Variants in KCNT2 observed in about 807,000 individuals in gnomAD.
KCNT2 encodes potassium sodium-activated channel subfamily T member 2, also known as potassium channel subfamily T member 2.
In KCNT2, 67 loss-of-function variants were observed where a neutral mutation model predicts 153.8. The ratio of observed to expected loss-of-function variants is 0.44; its 90% CI spans 0.36 to 0.53. The LOEUF (loss-of-function observed/expected upper bound fraction) is 0.53. Among genes scored for constraint, KCNT2 ranks in the 20% least tolerant of loss-of-function variants. KCNT2 has a pLI of 0.00. For missense variants in KCNT2, 975 were observed against 1,354.8 expected (o/e 0.72, Z 4.40); for synonymous variants, 500 against 458.8 (o/e 1.09, Z -1.15).
At chr1:196,523,129 C>T (rs1653697205) in intron 1 of KCNT2, among the ~76,000 whole-genome samples, 1 of 152,180 alleles carries the variant, frequency 6.6e-6, no homozygotes, top group Non-Finnish European at 1.5e-5. Flanking sequence ...GACCACGAAA[C>T]CACCAGGAGG....
In KCNT2 at chr1:196,375,265, C is replaced by T. The variant is rs116589032; in HGVS notation, c.1295-2017G>A. 6.0e-3 allele frequency among the ~76,000 whole-genome samples: 917 copies of T among 151,814 alleles called. 6 individuals are homozygous for T. Among genetic ancestry groups the T allele is most frequent in the African/African-American group, 0.021 (861 of 41,486 alleles). On this transcript the variant is annotated intron_variant, in intron 13 of 27. Transcript: ENST00000294725. ...ATTTCGATAGTCATTTTTGTATTTG[C>T]ATGTGTCTTTTTTCTACATTTGGTA...
Position 196,608,242 on chromosome 1 carries a change from C to G in KCNT2, c.68G>C (p.Gly23Ala). Residue 23 changes from glycine to alanine, a missense_variant, in exon 1 of 28, where the codon GGG (glycine) becomes GCG (alanine). Physicochemically the swap from Gly to Ala is moderately conservative, Grantham distance 60 (BLOSUM62 0). Around this residue, in one of 6 missense-constraint regions of KCNT2, gnomAD observed 140 missense variants for 216.0 expected, o/e 0.65. Transcript: ENST00000294725. The stretch of plus-strand genomic sequence containing the variant: ...GTCGTCGTTTTGCCATCCTTGGTCC[C>G]CTAGCAGCAAATCTCGAAACCTGTA... ...PRYRFRDLLL[G>A]DQGWQNDDRV... 6.2e-7 allele frequency: 1 copy of G among 1,614,084 alleles called. No homozygotes were observed. Among genetic ancestry groups the G allele is most frequent in the Non-Finnish European group, 8.5e-7 (1 of 1,180,016 alleles).
intron 18 of KCNT2, 36 bp from the exon 19 acceptor site, chr1:196,326,925 G>C: frequency 3.3e-6 from 4 of 1,195,050 alleles, no homozygotes; most frequent in Non-Finnish European, 4.7e-6. Context: ...AATGCCATTT[G>C]GATACTTCAT....
intron 17 of KCNT2, among the ~76,000 whole-genome samples, chr1:196,332,877 T>C (rs971393887): frequency 6.6e-6 from 1 of 151,210 alleles, no homozygotes; most frequent in Non-Finnish European, 1.5e-5. Flanking sequence ...CTCCACCTCC[T>C]GCGTTCAAGT....
chr1:196,511,455 A>T (rs1044197191), intron 1 of KCNT2, among the ~76,000 whole-genome samples: 3 of 152,190 alleles, frequency 2.0e-5, no homozygotes, highest in African/African-American at 4.8e-5. Flanking sequence ...GCAGAAATAG[A>T]TGTTACAGGC....
chr1:196,606,532 T>A (rs930060376), intron 1 of KCNT2, among the ~76,000 whole-genome samples: 2 of 152,220 alleles, frequency 1.3e-5, no homozygotes, highest in Non-Finnish European at 2.9e-5. Flanking sequence ...AAAACTTTTT[T>A]AATATGGCAC....
At chr1:196,565,183 T>C (rs139315184) in intron 1 of KCNT2, among the ~76,000 whole-genome samples, 4 of 146,784 alleles carry the variant, frequency 2.7e-5, no homozygotes, top group Non-Finnish European at 4.5e-5. Flanking sequence ...CCAATAGATA[T>C]ATGAAAAAAT....
intron 5 of KCNT2, among the ~76,000 whole-genome samples, chr1:196,471,387 G>C (rs1490338043): frequency 6.6e-6 from 1 of 152,152 alleles, no homozygotes; most frequent in African/African-American, 2.4e-5. Context: ...TTTAACAAAA[G>C]AGTTATAACT....
intron 26 of KCNT2, among the ~76,000 whole-genome samples, chr1:196,248,387 TG>T (rs1655643882): frequency 6.6e-6 from 1 of 151,388 alleles, no homozygotes; most frequent in Non-Finnish European, 1.5e-5. Context: ...TAAACAAAAT[TG>T]ACAAACTTTT....
chr1:196,376,703 A>T (rs1668999271), intron 13 of KCNT2, among the ~76,000 whole-genome samples: 1 of 151,984 alleles, frequency 6.6e-6, no homozygotes, highest in African/African-American at 2.4e-5. Context: ...AAATAAAACC[A>T]TCCCTATAAA....
chr1:196,408,059 C>A (rs1187008533), intron 12 of KCNT2, among the ~76,000 whole-genome samples: 1 of 151,348 alleles, frequency 6.6e-6, no homozygotes, highest in Non-Finnish European at 1.5e-5. Flanking sequence ...CTTCTCTGTG[C>A]CACTTGCCAA....
chr1:196,507,354 C>T lies in KCNT2; in HGVS notation c.96-15013G>A, dbSNP rs368790900. Among the ~76,000 whole-genome samples the T allele has an allele frequency of 6.6e-5, 10 of 152,194 alleles. No homozygotes were observed. The East Asian group carries it at 1.2e-3, about 18-fold the overall frequency. ...GGTGCTCTTTCAATGCAGTGCTGGA[C>T]GTGGCTTTCTATTTTCTGTGGTATT... On this transcript the variant is annotated intron_variant, in intron 1 of 27. Coordinates refer to ENST00000294725, the MANE Select transcript of KCNT2 (RefSeq NM_198503.5).
chr1:196,233,415 A>C (rs1300383611), intron 27 of KCNT2, among the ~76,000 whole-genome samples: 3 of 151,390 alleles, frequency 2.0e-5, no homozygotes, highest in Non-Finnish European at 4.4e-5. Flanking sequence ...TAAGTTTTTG[A>C]AATGCTTCCT....
intron 1 of KCNT2, among the ~76,000 whole-genome samples, chr1:196,554,598 T>C (rs532220742): frequency 1.3e-5 from 2 of 151,190 alleles, no homozygotes; most frequent in East Asian, 3.9e-4. Flanking sequence ...CAAACTGCCC[T>C]GAAAAGTAGA....
At chr1:196,341,383 C>A (rs1665608726) in intron 15 of KCNT2, among the ~76,000 whole-genome samples, 1 of 151,916 alleles carries the variant, frequency 6.6e-6, no homozygotes, top group African/African-American at 2.4e-5. Context: ...ATGGTTTCTA[C>A]TGAATGGCTA....
Position 196,378,730 on chromosome 1 carries a change from A to G in KCNT2, c.1295-5482T>C, listed in dbSNP as rs149731351. On this transcript the variant is annotated intron_variant, in intron 13 of 27. Coordinates refer to ENST00000294725, the MANE Select transcript of KCNT2 (RefSeq NM_198503.5). ...TATATATGAAACAGCAATATAATAT[A>G]TAATAATTTAATATATAATACAATA... Among the ~76,000 whole-genome samples, 173 of 148,130 alleles carry G rather than the reference A, an allele frequency of 1.2e-3. 2 individuals are homozygous for G. In the East Asian group the frequency reaches 0.033, roughly 29 times the overall value.
chr1:196,409,530 A>G (rs1485223227), intron 12 of KCNT2, among the ~76,000 whole-genome samples: 1 of 151,602 alleles, frequency 6.6e-6, no homozygotes, highest in African/African-American at 2.4e-5. Context: ...TTAAAATTTC[A>G]AATTATATAT....
chr1:196,292,066 C>CT, intron 22 of KCNT2, among the ~76,000 whole-genome samples: 1 of 152,094 alleles, frequency 6.6e-6, no homozygotes. Context: ...TATTCCATGG[C>CT]TTAGGAGACA....
At chr1:196,596,599 C>T (rs1174715520) in intron 1 of KCNT2, among the ~76,000 whole-genome samples, 1 of 151,986 alleles carries the variant, frequency 6.6e-6, no homozygotes, top group African/African-American at 2.4e-5. Context: ...AAATAATTTC[C>T]CTCCATGATT....
Sources: gnomAD v4.1 joint callset for allele counts (sites outside exome capture counted in the v4.1 genomes callset) on GRCh38, gnomAD v4.1.1 for gene constraint, gnomAD v4.1.1 regional missense constraint, MANE v1.5 for transcripts, NCBI Gene and HGNC (gene_info 2026-07-23, HGNC 2026-07-21) for gene names.